ZNF99: variants seen among roughly 807,000 people sequenced by gnomAD.
The protein encoded by ZNF99 is zinc finger protein 99.
In ZNF99, 8 loss-of-function variants were observed where a neutral mutation model predicts 12.8. The observed-to-expected ratio is 0.62, with a 90% confidence interval of 0.37 to 1.13. The LOEUF is 1.13. Ranked by LOEUF, ZNF99 falls within the 50% of genes most tolerant of loss-of-function variation. The pLI is 0.02. For missense variants in ZNF99, 1,007 were observed against 1,006.2 expected, an observed-to-expected ratio of 1.00 and a Z score of -0.01; for synonymous variants, 318 against 319.0, an observed-to-expected ratio of 1.00 and a Z score of 0.03.
chr19:22,773,270 G>T (rs1179590652), intron 1 of ZNF99, among the ~76,000 whole-genome samples: 1 of 152,160 alleles, frequency 6.6e-6, no homozygotes, highest in Non-Finnish European at 1.5e-5. Flanking sequence ...GATAATTCTA[G>T]AGTTTTTGTG....
In ZNF99 at chr19:22,759,542, C is replaced by A; in HGVS notation, c.367G>T (p.Gly123Cys). 2 of 1,611,984 alleles carry A rather than the reference C, an allele frequency of 1.2e-6. No homozygotes were observed. Among genetic ancestry groups the A allele is most frequent in the South Asian group, 2.2e-5 (2 of 90,412 alleles). The change falls in exon 4 of 4, where the codon GGT becomes TGT. Residue 123 changes from glycine (G) to cysteine (C), a missense_variant. Gly to Cys is a radical substitution (Grantham distance 159). Transcript: ENST00000596209. ...TTATAAGCTTCTTCGTGCATCTTACCCTCATTGACACTTTCACAATCTTTT... is the reference window on the plus strand; with the variant it reads ...TTATAAGCTTCTTCGTGCATCTTACACTCATTGACACTTTCACAATCTTTT... ...LRKDCESVNE[G>C]KMHEEAYNKL...
intron 1 of ZNF99, 79 bp downstream of exon 1, chr19:22,783,935 T>A: frequency 6.3e-7 from 1 of 1,584,838 alleles, no homozygotes; most frequent in Non-Finnish European, 8.7e-7. Flanking sequence ...AGGGGAGGCC[T>A]GAGTCCCGCC....
At chr19:22,764,679 A>C (rs1973186336) in intron 3 of ZNF99, among the ~76,000 whole-genome samples, 1 of 152,190 alleles carries the variant, frequency 6.6e-6, no homozygotes, top group South Asian at 2.1e-4. Context: ...AAGGACACAA[A>C]TAGACAATTT....
In ZNF99 at chr19:22,754,058, A is replaced by G; in HGVS notation, c.*3256T>C. 2.2e-6 allele frequency: 1 copy of G among 455,976 alleles called. No homozygotes were observed. The highest frequency in any genetic ancestry group is 4.4e-6 in the Non-Finnish European group (1 of 226,800). 28.2% of individuals were successfully genotyped at this position (455,976 alleles called of 1,614,324 possible). On this transcript the variant is annotated 3_prime_UTR_variant, in exon 4 of 4. Coordinates refer to ENST00000596209, the MANE Select transcript of ZNF99 (RefSeq NM_001080409.3). The stretch of plus-strand genomic sequence containing the variant: ...TCCAGTATGATTTGATAACTTATTA[A>G]AAACTTTGCCACATTCGACCGGGCT...
chr19:22,782,442 A>G (rs1973398235), intron 1 of ZNF99, among the ~76,000 whole-genome samples: 1 of 150,228 alleles, frequency 6.7e-6, no homozygotes, highest in Non-Finnish European at 1.5e-5. Context: ...CGCAACCTCT[A>G]TCTCCCGGGT....
chr19:22,773,544 CA>C (rs1207146158), intron 1 of ZNF99, among the ~76,000 whole-genome samples: 1 of 152,160 alleles, frequency 6.6e-6, no homozygotes, highest in African/African-American at 2.4e-5. Flanking sequence ...TGTTCAATGA[CA>C]AAATAAACTT....
intron 1 of ZNF99, among the ~76,000 whole-genome samples, chr19:22,776,659 T>C (rs368735453): frequency 2.6e-5 from 4 of 151,986 alleles, no homozygotes; most frequent in African/African-American, 9.7e-5. Context: ...AAAAGCAGTG[T>C]GGCGATTCCT....
Position 22,756,483 on chromosome 19 carries a change from A to G in ZNF99, c.*831T>C. The G allele has an allele frequency of 6.3e-7, 1 of 1,594,490 alleles. No individual in the cohort carries two copies. The highest frequency in any genetic ancestry group is 8.5e-7 in the Non-Finnish European group (1 of 1,173,568). ...GTTTCTTTCCAGTATGAATTATCCTATGTTTAGTAAGGCGTGAGAAATGGC... is the reference window on the plus strand; with the variant it reads ...GTTTCTTTCCAGTATGAATTATCCTGTGTTTAGTAAGGCGTGAGAAATGGC... On this transcript the variant is annotated 3_prime_UTR_variant, in exon 4 of 4. Coordinates refer to ENST00000596209, the MANE Select transcript of ZNF99 (RefSeq NM_001080409.3).
At position 22,759,213 on chromosome 19, in the gene ZNF99, C is replaced by G; in HGVS notation, c.696G>C (p.Lys232Asn). 6.4e-7 allele frequency: 1 copy of G among 1,568,302 alleles called. No individual in the cohort carries two copies. Reference sequence around the variant, plus strand: ...AGATGTTAAAAGCTTTGCCACATTTCTTATATTTGTAGGGTTTGTCTTCAG... The same window carrying G: ...AGATGTTAAAAGCTTTGCCACATTTGTTATATTTGTAGGGTTTGTCTTCAG... ...IHTEDKPYKY[K>N]KCGKAFNISS... Residue 232 changes from lysine (K) to asparagine (N), a missense_variant, in exon 4 of 4, where the codon AAG (lysine) becomes AAC (asparagine). Physicochemically the swap from Lys to Asn is moderately conservative, Grantham distance 94. Transcript: ENST00000596209.
At chr19:22,759,984 A>G (rs1297293005) in intron 3 of ZNF99, among the ~76,000 whole-genome samples, 2 of 152,164 alleles carry the variant, frequency 1.3e-5, no homozygotes, top group South Asian at 4.1e-4. Flanking sequence ...CTGCTCCCCA[A>G]AATGACATGG....
At chr19:22,779,784 G>T (rs1396521685) in intron 1 of ZNF99, among the ~76,000 whole-genome samples, 1 of 151,908 alleles carries the variant, frequency 6.6e-6, no homozygotes, top group Non-Finnish European at 1.5e-5. Flanking sequence ...TCTCTAATAT[G>T]GTTTGCTCTT....
intron 3 of ZNF99, among the ~76,000 whole-genome samples, chr19:22,764,536 G>C (rs776599857): frequency 6.6e-6 from 1 of 151,940 alleles, no homozygotes; most frequent in Non-Finnish European, 1.5e-5. Context: ...AGGAACACCA[G>C]AGTGAACAGA....
intron 3 of ZNF99, among the ~76,000 whole-genome samples, chr19:22,763,706 A>G (rs1447839146): frequency 1.3e-5 from 2 of 152,158 alleles, no homozygotes; most frequent in African/African-American, 4.8e-5. Flanking sequence ...ATCTGAAGGC[A>G]TCACACTACC....
chr19:22,758,786 C>T lies in ZNF99; in HGVS notation c.1123G>A (p.Gly375Ser), dbSNP rs200740712. 638 of 1,603,676 alleles carry T rather than the reference C, an allele frequency of 4.0e-4. 3 individuals are homozygous for T. Among genetic ancestry groups the T allele is most frequent in the Middle Eastern group, 2.0e-3 (12 of 5,992 alleles). ...GCTGACAAATTGCTAAAAGCTTTGC[C>T]GCATTCTTCATATTTGTAGGGTTTC... ...EEKPYKYEEC[G>S]KAFSNLSALR... The change falls in exon 4 of 4, where the codon GGC becomes AGC. Residue 375 changes from glycine (G) to serine (S), a missense_variant. By Grantham distance (56) the Gly-to-Ser change is moderately conservative. Coordinates refer to ENST00000596209, the MANE Select transcript of ZNF99 (RefSeq NM_001080409.3).
chr19:22,768,977 C>G (rs1384824408), intron 2 of ZNF99, among the ~76,000 whole-genome samples: 6 of 149,890 alleles, frequency 4.0e-5, no homozygotes, highest in Non-Finnish European at 8.9e-5. Flanking sequence ...TGTGGTAAGC[C>G]GAGATCGCAC....
rs376393639 is a variant in ZNF99 at position 22,756,293 on chromosome 19, G to A, written c.*1021C>T. 1.0e-5 allele frequency: 16 copies of A among 1,574,676 alleles called. 1 individual carries two copies. In the Admixed American group the frequency reaches 1.9e-4, roughly 19 times the overall value. ...TTTGCCACATTCTTCACATTTGTAG[G>A]TTTTCCCTCCAGTATGAATTGTTTT... is the stretch of plus-strand genomic sequence containing the variant. On this transcript the variant is annotated 3_prime_UTR_variant, in exon 4 of 4. Transcript: ENST00000596209.
chr19:22,762,262 A>T (rs192424763), intron 3 of ZNF99, among the ~76,000 whole-genome samples: 60 of 152,284 alleles, frequency 3.9e-4, no homozygotes, highest in Non-Finnish European at 7.4e-4. Context: ...AACCAAGAAA[A>T]AAAGAAAATC....
At position 22,759,531 on chromosome 19, in the gene ZNF99, G is replaced by C. The variant is rs376866838; in HGVS notation, c.378C>G (p.His126Gln). ...DCESVNEGKM[H>Q]EEAYNKLNQC... ...GGTTAAGTTTATTATAAGCTTCTTC[G>C]TGCATCTTACCCTCATTGACACTTT... is the stretch of plus-strand genomic sequence containing the variant. The change falls in exon 4 of 4, where the codon CAC becomes CAG. Residue 126 changes from histidine to glutamine, a missense_variant. Coordinates refer to ENST00000596209, the MANE Select transcript of ZNF99 (RefSeq NM_001080409.3). 2 of 1,610,758 alleles carry C rather than the reference G, an allele frequency of 1.2e-6. No individual in the cohort carries two copies. Among genetic ancestry groups the C allele is most frequent in the Non-Finnish European group, 1.7e-6 (2 of 1,179,050 alleles).
At chr19:22,780,348 GTATC>G (rs1248034538) in intron 1 of ZNF99, among the ~76,000 whole-genome samples, 3 of 152,160 alleles carry the variant, frequency 2.0e-5, no homozygotes, top group Non-Finnish European at 4.4e-5. Flanking sequence ...AGAAACAAAA[GTATC>G]TATTCTTTTC....
Sources: gnomAD v4.1 joint callset for allele counts (sites outside exome capture counted in the v4.1 genomes callset) on GRCh38, gnomAD v4.1.1 for gene constraint, MANE v1.5 for transcripts, NCBI Gene and HGNC (gene_info 2026-07-23, HGNC 2026-07-21) for gene names.